The following SPMIP9 variants were observed in gnomAD, a reference collection of about 807,000 sequenced individuals.
SPMIP9 encodes protein SPMIP9.
the SPMIP9 span, chr2:88,526,568 T>G: frequency 8.3e-7 from 1 of 1,200,896 alleles, no homozygotes; most frequent in Non-Finnish European, 1.2e-6. Context: ...TTCATTTGTA[T>G]TACAAATGTG....
the SPMIP9 span, chr2:88,529,444 G>T: frequency 1.2e-6 from 2 of 1,613,556 alleles, no homozygotes; most frequent in East Asian, 2.2e-5. Flanking sequence ...TCTTGAACCG[G>T]TGGGGACCCT....
At chr2:88,524,665 C>T in the SPMIP9 span, 1 of 152,424 alleles carries the variant, frequency 6.6e-6, no homozygotes. Context: ...ACAGGACTCT[C>T]CATGTGGCAA....
chr2:88,524,974 A>G, the SPMIP9 span, among the ~76,000 whole-genome samples: 1 of 152,200 alleles, frequency 6.6e-6, no homozygotes, highest in Non-Finnish European at 1.5e-5. Context: ...TCAGGGCTGG[A>G]AGGGAGGGGT....
At chr2:88,525,965 T>TC in the SPMIP9 span, among the ~76,000 whole-genome samples, 1 of 152,162 alleles carries the variant, frequency 6.6e-6, no homozygotes, top group Non-Finnish European at 1.5e-5. Context: ...CTAAACCTGC[T>TC]CTAGTGTACT....
the SPMIP9 span, among the ~76,000 whole-genome samples, chr2:88,527,906 G>A: frequency 6.6e-6 from 1 of 152,072 alleles, no homozygotes; most frequent in Non-Finnish European, 1.5e-5. Flanking sequence ...GCCATTGCTT[G>A]GTATTGGCAG....
chr2:88,526,243 G>T, the SPMIP9 span, among the ~76,000 whole-genome samples: 1 of 152,180 alleles, frequency 6.6e-6, no homozygotes, highest in Admixed American at 6.5e-5. Context: ...AAGGCAGGAA[G>T]GTGGCGGGAT....
At chr2:88,525,738 A>G in the SPMIP9 span, 2 of 1,527,068 alleles carry the variant, frequency 1.3e-6, no homozygotes, top group Non-Finnish European at 1.8e-6. Context: ...AAGGCCCTGG[A>G]AGGGCCAGGC....
the SPMIP9 span, chr2:88,524,727 G>C: frequency 6.6e-6 from 1 of 152,326 alleles, no homozygotes; most frequent in Non-Finnish European, 1.5e-5. Context: ...GGCAGAAGAA[G>C]CGGTAGGCTC....
the SPMIP9 span, chr2:88,525,527 G>C: frequency 8.7e-7 from 1 of 1,151,362 alleles, no homozygotes; most frequent in South Asian, 1.2e-5. Flanking sequence ...ATGGGGAGGA[G>C]TGGGCTAAGA....
chr2:88,529,295 G>T, the SPMIP9 span: 4 of 1,614,070 alleles, frequency 2.5e-6, no homozygotes, highest in Middle Eastern at 1.6e-4. Flanking sequence ...GGCCCAGGGT[G>T]ACCCCAACCA....
chr2:88,529,160 A>G, the SPMIP9 span: 3 of 1,614,052 alleles, frequency 1.9e-6, no homozygotes, highest in African/African-American at 4.0e-5. Flanking sequence ...ACCCCACATG[A>G]CTGCCAAAGA....
At chr2:88,525,443 T>C in the SPMIP9 span, among the ~76,000 whole-genome samples, 5 of 152,162 alleles carry the variant, frequency 3.3e-5, no homozygotes, top group African/African-American at 1.2e-4. Context: ...TCCAGCCCCT[T>C]TGTCCCAGGG....
chr2:88,524,706 C>T, the SPMIP9 span: 4 of 152,436 alleles, frequency 2.6e-5, no homozygotes, highest in East Asian at 1.9e-4. Context: ...GCAGGAGCGT[C>T]GTCTTGCCCT....
the SPMIP9 span, chr2:88,525,801 T>G: frequency 1.1e-6 from 1 of 885,276 alleles, no homozygotes; most frequent in South Asian, 1.5e-5. Flanking sequence ...TTGTGGGTTT[T>G]TTTTTTTTTT....
the SPMIP9 span, chr2:88,529,321 T>C: frequency 6.2e-7 from 1 of 1,614,156 alleles, no homozygotes. Context: ...TCCAGAGTGC[T>C]GACTTTCCGT....
chr2:88,525,319 T>G, the SPMIP9 span, among the ~76,000 whole-genome samples: 2 of 152,194 alleles, frequency 1.3e-5, no homozygotes, highest in African/African-American at 4.8e-5. Context: ...AAAACATGGT[T>G]GTTAAACATT....
the SPMIP9 span, chr2:88,529,283 C>T: frequency 1.2e-5 from 20 of 1,614,086 alleles, no homozygotes; most frequent in African/African-American, 4.0e-5. Flanking sequence ...CGATCTGCAC[C>T]TGGCCCAGGG....
chr2:88,525,906 G>A, the SPMIP9 span, among the ~76,000 whole-genome samples: 1 of 151,938 alleles, frequency 6.6e-6, no homozygotes, highest in East Asian at 1.9e-4. Context: ...CACCCACAGT[G>A]TGCCAGGCCC....
the SPMIP9 span, among the ~76,000 whole-genome samples, chr2:88,526,087 T>C: frequency 6.6e-6 from 1 of 152,032 alleles, no homozygotes; most frequent in African/African-American, 2.4e-5. Flanking sequence ...GAGAGATGTT[T>C]TGGGGAAGTG....
Sources: gnomAD v4.1 joint callset for allele counts (sites outside exome capture counted in the v4.1 genomes callset) on GRCh38, gnomAD v4.1.1 for gene constraint, MANE v1.5 for transcripts, NCBI Gene and HGNC (gene_info 2026-07-23, HGNC 2026-07-21) for gene names.